The following SPAST variants were observed in gnomAD, a reference collection of about 807,000 sequenced individuals.
SPAST encodes the protein spastin, also known as spastic paraplegia 4 (autosomal dominant; spastin).
SPAST carries 30 observed loss-of-function variants against 76.6 expected under a neutral mutation model. The observed-to-expected ratio is 0.39, with a 90% CI of 0.29 to 0.53. The LOEUF (loss-of-function observed/expected upper bound fraction) is 0.53. SPAST is among the 20% of genes least tolerant of loss of function. The probability of loss-of-function intolerance (pLI) is 0.68; values close to 1 mark genes in which losing one functional copy is unlikely to be tolerated. For synonymous variants in SPAST, 305 were observed against 281.0 expected, an observed-to-expected ratio of 1.09 and a Z score of -0.86; for missense variants, 717 against 770.5, an observed-to-expected ratio of 0.93 and a Z score of 0.82.
intron 9 of SPAST, among the ~76,000 whole-genome samples, chr2:32,131,670 T>C (rs1212299593): frequency 1.6e-5 from 2 of 128,390 alleles, no homozygotes; most frequent in Non-Finnish European, 3.4e-5. Context: ...GCAACCATTC[T>C]CTTTTTTTTT....
intron 10 of SPAST, 113 bp from the exon 11 acceptor site, chr2:32,136,764 A>G (rs1455715355): frequency 1.7e-6 from 2 of 1,193,646 alleles, no homozygotes; most frequent in East Asian, 2.4e-5. Context: ...CTTAAAGACT[A>G]TCTAATGAAT....
rs74861098 is a variant in SPAST at position 32,131,631 on chromosome 2, G to A, written c.1245+3152G>A. ...GGGAAACTAGGATTTGAGCTCCAGT[G>A]AGTGTGGCCTTTCATTAAAAATATT... On this transcript the variant is annotated intron_variant, in intron 9 of 16. Coordinates refer to ENST00000315285, the MANE Select transcript of SPAST (RefSeq NM_014946.4). Among the ~76,000 whole-genome samples, 28 of 151,386 alleles carry A rather than the reference G, an allele frequency of 1.8e-4. No individual in the cohort carries two copies. The East Asian group carries it at 4.6e-3, about 25-fold the overall frequency.
chr2:32,079,466 A>G (rs765080567), intron 1 of SPAST, among the ~76,000 whole-genome samples: 21 of 151,434 alleles, frequency 1.4e-4, no homozygotes, highest in Non-Finnish European at 2.9e-4. Flanking sequence ...AGATCATACC[A>G]CTGCTCTCTA....
At chr2:32,066,972 C>CAAAAA (rs60829143) in intron 1 of SPAST, among the ~76,000 whole-genome samples, 1 of 77,566 alleles carries the variant, frequency 1.3e-5, no homozygotes, top group Non-Finnish European at 2.2e-5. Context: ...AAAACTGTCT[C>CAAAAA]AAAAAAAAAA....
At chr2:32,084,147 C>T (rs1015735091) in intron 1 of SPAST, among the ~76,000 whole-genome samples, 3 of 151,526 alleles carry the variant, frequency 2.0e-5, no homozygotes, top group African/African-American at 7.3e-5. Context: ...CAAACTATGA[C>T]TCAATAGTTT....
chr2:32,095,164 A>T (rs1677871359), intron 3 of SPAST, among the ~76,000 whole-genome samples: 1 of 152,178 alleles, frequency 6.6e-6, no homozygotes, highest in African/African-American at 2.4e-5. Flanking sequence ...AATGGTAACA[A>T]GTGGTTGGAT....
At chr2:32,133,699 A>G (rs1247992419) in intron 9 of SPAST, among the ~76,000 whole-genome samples, 1 of 151,856 alleles carries the variant, frequency 6.6e-6, no homozygotes, top group Non-Finnish European at 1.5e-5. Context: ...ACCAGTTTAC[A>G]GTGTTTTTTC....
intron 7 of SPAST, among the ~76,000 whole-genome samples, chr2:32,123,801 G>C (rs930755948): frequency 6.6e-6 from 1 of 152,216 alleles, no homozygotes; most frequent in South Asian, 2.1e-4. Flanking sequence ...AAATGGTATA[G>C]GACAACTGGA....
At chr2:32,087,953 G>C (rs1051335510) in intron 2 of SPAST, among the ~76,000 whole-genome samples, 1 of 151,038 alleles carries the variant, frequency 6.6e-6, no homozygotes, top group Admixed American at 6.6e-5. Flanking sequence ...GTGCAATCTC[G>C]GCTCACTGCA....
At chr2:32,086,297 A>T (rs1471363119) in intron 1 of SPAST, among the ~76,000 whole-genome samples, 1 of 151,460 alleles carries the variant, frequency 6.6e-6, no homozygotes, top group Non-Finnish European at 1.5e-5. Context: ...ATCTCTACAA[A>T]AGAAATACAC....
chr2:32,140,303 C>T (rs1679674367), intron 12 of SPAST, among the ~76,000 whole-genome samples: 1 of 152,114 alleles, frequency 6.6e-6, no homozygotes, highest in Non-Finnish European at 1.5e-5. Flanking sequence ...TTTTCATCTT[C>T]TGTTTTATTT....
chr2:32,109,809 C>T (rs188988282), intron 4 of SPAST, among the ~76,000 whole-genome samples: 2 of 145,618 alleles, frequency 1.4e-5, no homozygotes, highest in South Asian at 2.2e-4. Context: ...CATATGTATA[C>T]ACACATACAT....
intron 4 of SPAST, among the ~76,000 whole-genome samples, chr2:32,109,483 C>T (rs908437776): frequency 7.2e-5 from 11 of 152,074 alleles, no homozygotes; most frequent in African/African-American, 2.4e-4. Context: ...ACGTAGCAAC[C>T]TTCACCCCTA....
intron 1 of SPAST, among the ~76,000 whole-genome samples, chr2:32,066,542 C>T (rs548044807): frequency 1.8e-4 from 28 of 152,062 alleles, no homozygotes; most frequent in African/African-American, 6.0e-4. Context: ...GTGACACATG[C>T]CTGTAGTCCC....
chr2:32,100,864 T>C (rs1393842767), intron 4 of SPAST, among the ~76,000 whole-genome samples: 1 of 152,248 alleles, frequency 6.6e-6, no homozygotes, highest in African/African-American at 2.4e-5. Flanking sequence ...CTATCATTGA[T>C]GGACATTTGC....
intron 15 of SPAST, among the ~76,000 whole-genome samples, chr2:32,146,688 A>G (rs1432684035): frequency 6.6e-6 from 1 of 151,886 alleles, no homozygotes; most frequent in African/African-American, 2.4e-5. Context: ...AATATGGTGA[A>G]ACCGCATCTC....
At chr2:32,099,355 A>G (rs1333633397) in intron 4 of SPAST, among the ~76,000 whole-genome samples, 1 of 152,186 alleles carries the variant, frequency 6.6e-6, no homozygotes, top group Non-Finnish European at 1.5e-5. Context: ...GAAACTTCAC[A>G]TAGTGAGGAG....
chr2:32,147,295 A>G (rs760241778), intron 16 of SPAST, 37 bp downstream of exon 16: 12 of 1,318,152 alleles, frequency 9.1e-6, no homozygotes, highest in Middle Eastern at 2.0e-4. Context: ...TTTGTCTTCT[A>G]TATTGTAAGA....
chr2:32,111,389 G>A (rs531307142), intron 4 of SPAST, among the ~76,000 whole-genome samples: 9 of 148,472 alleles, frequency 6.1e-5, no homozygotes, highest in South Asian at 4.2e-4. Flanking sequence ...ACTGTATAGC[G>A]TATAGAGTAT....
Sources: allele counts gnomAD v4.1 joint callset (sites outside exome capture counted in the v4.1 genomes callset), GRCh38; gene constraint gnomAD v4.1.1; transcripts MANE v1.5; gene names NCBI Gene and HGNC (gene_info 2026-07-23, HGNC 2026-07-21).